SPATA22: variants seen among roughly 807,000 people sequenced by gnomAD.
SPATA22 encodes spermatogenesis associated 22, also known as spermatogenesis-associated protein 22.
In SPATA22, 29 loss-of-function variants were observed where a neutral mutation model predicts 47.8. That is an observed-to-expected ratio of 0.61 (90% CI 0.45 to 0.83). The LOEUF (loss-of-function observed/expected upper bound fraction) is 0.83. SPATA22 is among the 40% of genes least tolerant of loss of function. The pLI is 0.00. For missense variants in SPATA22, 410 were observed against 421.7 expected (o/e 0.97, Z 0.24); for synonymous variants, 133 against 140.9 (o/e 0.94, Z 0.40).
At chr17:3,512,035 TC>T (rs1467288647) in intron 1 of SPATA22, 1 of 152,220 alleles carries the variant, frequency 6.6e-6, no homozygotes, top group Admixed American at 6.5e-5. Flanking sequence ...ACCTTAAACT[TC>T]TTCCAATGAC....
intron 7 of SPATA22, among the ~76,000 whole-genome samples, chr17:3,444,303 G>A (rs1311418426): frequency 1.3e-5 from 2 of 152,000 alleles, no homozygotes; most frequent in Non-Finnish European, 2.9e-5. Context: ...AGATCCACGA[G>A]TGAACTGTGA....
At chr17:3,475,645 C>G (rs1281499535), upstream of SPATA22, 1 of 165,122 alleles carries the variant, frequency 6.1e-6, no homozygotes, top group African/African-American at 2.4e-5. Context: ...ATTCAAATGC[C>G]CTCAGATCAT....
intron 1 of SPATA22, 75 bp from the exon 2 acceptor site, chr17:3,469,473 T>G: frequency 1.7e-6 from 1 of 604,498 alleles, no homozygotes. Flanking sequence ...ATTACTGAAA[T>G]TATGGTTGTA....
At chr17:3,506,697 C>T (rs1410073048) in intron 1 of SPATA22, among the ~76,000 whole-genome samples, 13 of 152,052 alleles carry the variant, frequency 8.5e-5, no homozygotes, top group Admixed American at 7.9e-4. Flanking sequence ...CCCAGCACGT[C>T]GGGAGGCCGA....
chr17:3,481,234 C>T (rs2073622383), intron 1 of SPATA22, among the ~76,000 whole-genome samples: 1 of 152,140 alleles, frequency 6.6e-6, no homozygotes, highest in African/African-American at 2.4e-5. Flanking sequence ...ATTTGATGGT[C>T]TAGTCCCATA....
intron 1 of SPATA22, among the ~76,000 whole-genome samples, chr17:3,498,728 A>G (rs1003720188): frequency 1.3e-5 from 2 of 152,202 alleles, no homozygotes; most frequent in African/African-American, 2.4e-5. Context: ...TCACGACCCA[A>G]TGTCAGCGCA....
chr17:3,475,893 A>G (rs1322692703), upstream of SPATA22: 11 of 482,398 alleles, frequency 2.3e-5, no homozygotes, highest in Non-Finnish European at 4.1e-5. Flanking sequence ...TGAGGGAGTT[A>G]GAAGTTAAAG....
In SPATA22 at chr17:3,471,714, G is replaced by A; in HGVS notation, c.-106C>T. ...CCCTTCTAGGCCCTCCTGCCAACAC[G>A]ACACACAACTTTCGCCCTCAGTTTC... On this transcript the variant is annotated 5_prime_UTR_variant, in exon 1 of 9. Transcript: ENST00000572969. The A allele has an allele frequency of 1.0e-6, 1 of 985,490 alleles. No individual in the cohort carries two copies. Among genetic ancestry groups the A allele is most frequent in the Non-Finnish European group, 1.2e-6 (1 of 829,998 alleles). The allele number at this position is 985,490 out of a possible 1,614,324, so 61.0% of individuals were successfully genotyped here.
chr17:3,469,881 G>C (rs555283813), intron 1 of SPATA22, among the ~76,000 whole-genome samples: 1 of 152,200 alleles, frequency 6.6e-6, no homozygotes, highest in African/African-American at 2.4e-5. Context: ...TCTTCCTGAG[G>C]TCAGGAGTTC....
chr17:3,499,084 A>C (rs2073959553), intron 1 of SPATA22: 1 of 1,613,694 alleles, frequency 6.2e-7, no homozygotes, highest in East Asian at 2.2e-5. Flanking sequence ...TGCTGTTTAC[A>C]TTAGAAATCA....
chr17:3,499,264 ATATTT>A, intron 1 of SPATA22: 1 of 548,248 alleles, frequency 1.8e-6, no homozygotes. Context: ...TAAAGATATC[ATATTT>A]TATGTATGTA....
intron 1 of SPATA22, among the ~76,000 whole-genome samples, chr17:3,470,080 C>T (rs12937087): frequency 0.41 from 54,398 of 132,392 alleles, 11,437 homozygotes; most frequent in East Asian, 0.56. Flanking sequence ...GCAACAAGAC[C>T]CAGACTCCAT....
intron 1 of SPATA22, among the ~76,000 whole-genome samples, chr17:3,492,361 T>G (rs2073839521): frequency 6.6e-6 from 1 of 152,226 alleles, no homozygotes; most frequent in South Asian, 2.1e-4. Flanking sequence ...TACTCCTTTG[T>G]GTTCTATCAG....
At chr17:3,493,560 CAAAAAAAAAAA>C (rs746229421) in intron 1 of SPATA22, among the ~76,000 whole-genome samples, 39 of 56,386 alleles carry the variant, frequency 6.9e-4, no homozygotes, top group African/African-American at 2.3e-3. Flanking sequence ...GGTTCCATCT[CAAAAAAAAAAA>C]AAAAAAAAAA....
In SPATA22 at chr17:3,446,470, A is replaced by G; in HGVS notation, c.802+2T>C. ...GAAGTATTTTTAAAGTATTTTACCT[A>G]CCTAATACTTCAAAAAGAAGTACAG... On this transcript the variant is annotated splice_donor_variant, in intron 7 of 8. Coordinates refer to ENST00000572969, the MANE Select transcript of SPATA22 (RefSeq NM_001170698.2). LOFTEE classifies it high-confidence loss of function. 3.1e-6 allele frequency: 5 copies of G among 1,604,372 alleles called. No homozygotes were observed. The highest frequency in any genetic ancestry group is 4.2e-6 in the Non-Finnish European group (5 of 1,176,652).
intron 7 of SPATA22, among the ~76,000 whole-genome samples, chr17:3,446,074 G>C (rs1049942124): frequency 6.6e-6 from 1 of 152,012 alleles, no homozygotes; most frequent in East Asian, 1.9e-4. Flanking sequence ...CATCTTCAAA[G>C]CCAGCAAGGT....
intron 3 of SPATA22, 31 bp downstream of exon 3, chr17:3,467,395 C>T: frequency 6.6e-7 from 1 of 1,522,650 alleles, no homozygotes; most frequent in African/African-American, 1.4e-5. Context: ...TTTGTATTTC[C>T]TGAAAATTTT....
At position 3,488,901 on chromosome 17, in the gene SPATA22, AC is replaced by A. The variant is rs1183501010; in HGVS notation, c.-73-19504del. 6.6e-6 allele frequency among the ~76,000 whole-genome samples: 1 copy of A among 152,162 alleles called. No individual in the cohort carries two copies. Among genetic ancestry groups the A allele is most frequent in the African/African-American group, 2.4e-5 (1 of 41,438 alleles). Reference sequence around the variant, plus strand: ...TTATTTTGTCAGCATAAACTTGTTCACCTTTTTTACTATGTTATGACTTTTA... The same window carrying A: ...TTATTTTGTCAGCATAAACTTGTTCACTTTTTTACTATGTTATGACTTTTA... On this transcript the variant is annotated intron_variant, in intron 1 of 8. Transcript: ENST00000541913. This position sits in a 1 kb window ranked among gnomAD's most constrained non-coding sequence, Gnocchi z 6.1.
chr17:3,507,035 C>T (rs111782974), intron 1 of SPATA22, among the ~76,000 whole-genome samples: 1 of 149,014 alleles, frequency 6.7e-6, no homozygotes, highest in East Asian at 1.9e-4. Flanking sequence ...AGTGGGGAGG[C>T]GAAGGCAACC....
Sources: gnomAD v4.1 joint callset for allele counts (sites outside exome capture counted in the v4.1 genomes callset) on GRCh38, gnomAD v4.1.1 for gene constraint, Gnocchi (gnomAD v3.1) non-coding constraint, MANE v1.5 for transcripts, NCBI Gene and HGNC (gene_info 2026-07-23, HGNC 2026-07-21) for gene names.